LRP1B: variants seen among roughly 807,000 people sequenced by gnomAD.
LRP1B encodes the protein low-density lipoprotein receptor-related protein 1B.
In LRP1B, 217 loss-of-function variants were observed where a neutral mutation model predicts 556.6. The ratio of observed to expected loss-of-function variants is 0.39; its 90% confidence interval spans 0.35 to 0.44. The LOEUF is 0.44. LRP1B is among the 20% of genes least tolerant of loss of function. The pLI, the probability that LRP1B is intolerant of heterozygous loss-of-function variation, is 1.00. For synonymous variants in LRP1B, 2,047 were observed against 1,865.8 expected (o/e 1.10, Z -2.50); for missense variants, 5,053 against 5,620.8 (o/e 0.90, Z 3.23).
chr2:140,272,369 T>C (rs1299426342), intron 85 of LRP1B, among the ~76,000 whole-genome samples: 1 of 151,704 alleles, frequency 6.6e-6, no homozygotes, highest in Non-Finnish European at 1.5e-5. Context: ...ATGACAATGG[T>C]CATCAAAAAG....
intron 7 of LRP1B, 97 bp downstream of exon 7, chr2:141,188,324 C>G (rs1462952809): frequency 1.0e-5 from 12 of 1,197,568 alleles, no homozygotes; most frequent in Non-Finnish European, 1.4e-5. Context: ...AAGTTTGAGT[C>G]TGTAGTCTTA....
intron 41 of LRP1B, among the ~76,000 whole-genome samples, chr2:140,688,523 G>A (rs947492760): frequency 6.6e-6 from 1 of 152,136 alleles, no homozygotes; most frequent in Non-Finnish European, 1.5e-5. Context: ...TTATTTAGGA[G>A]CTTCTGGAAA....
rs537284372 is a variant in LRP1B, at chr2:140,364,739, G to C, written c.11053C>G (p.Leu3685Val). The C allele has an allele frequency of 2.6e-5, 42 of 1,609,868 alleles. No individual in the cohort carries two copies. The South Asian group carries it at 3.0e-4, about 11-fold the overall frequency. The part of the protein sequence containing the change: ...RADEFLCNNS[L>V]CKLHFWVCDG... ...CACACCCAGAAATGTAGTTTGCAGAGAGAATTATTGCAAAGGAACTCATCA... is the reference window on the plus strand; with the variant it reads ...CACACCCAGAAATGTAGTTTGCAGACAGAATTATTGCAAAGGAACTCATCA... Residue 3685 changes from leucine to valine, a missense_variant, in exon 72 of 91, where the codon CTC becomes GTC. By Grantham distance (32) the Leu-to-Val change is conservative (BLOSUM62 1). Around this residue, in one of 5 missense-constraint regions of LRP1B, gnomAD observed 599 missense variants for 648.4 expected, o/e 0.92. Transcript: ENST00000389484.
chr2:140,428,574 C>T (rs1347353697), intron 66 of LRP1B, among the ~76,000 whole-genome samples: 1 of 152,156 alleles, frequency 6.6e-6, no homozygotes, highest in Non-Finnish European at 1.5e-5. Flanking sequence ...AAGGCTCTGA[C>T]TCCTTCCCAG....
chr2:141,312,743 C>CA (rs1237677871), intron 3 of LRP1B, among the ~76,000 whole-genome samples: 1 of 151,436 alleles, frequency 6.6e-6, no homozygotes, highest in Non-Finnish European at 1.5e-5. Flanking sequence ...GTCTGGAGTA[C>CA]AGTGGCACAA....
chr2:141,485,896 T>C (rs1019416444), intron 2 of LRP1B, among the ~76,000 whole-genome samples: 5 of 152,024 alleles, frequency 3.3e-5, no homozygotes, highest in African/African-American at 9.7e-5. Flanking sequence ...AAAAGGAACA[T>C]GGTTGGAGGC....
At chr2:141,332,960 T>C (rs2105498276) in intron 3 of LRP1B, among the ~76,000 whole-genome samples, 1 of 152,254 alleles carries the variant, frequency 6.6e-6, no homozygotes, top group South Asian at 2.1e-4. Flanking sequence ...CTTAGCAGCA[T>C]AATTTGTTTT....
intron 6 of LRP1B, among the ~76,000 whole-genome samples, chr2:141,210,738 T>A (rs300356): frequency 6.6e-6 from 1 of 152,044 alleles, no homozygotes; most frequent in Non-Finnish European, 1.5e-5. Context: ...AAGTTTGATA[T>A]GGCATCAAGC....
intron 60 of LRP1B, among the ~76,000 whole-genome samples, chr2:140,470,517 C>T (rs1450531714): frequency 2.0e-5 from 3 of 151,528 alleles, no homozygotes; most frequent in South Asian, 2.1e-4. Flanking sequence ...TGGTGGAGGG[C>T]GCCTGTAGTC....
chr2:141,348,996 G>A (rs1445290213), intron 3 of LRP1B, among the ~76,000 whole-genome samples: 2 of 151,898 alleles, frequency 1.3e-5, no homozygotes, highest in Non-Finnish European at 2.9e-5. Flanking sequence ...ATGATTGTGA[G>A]GCTTCCCCAG....
chr2:142,111,240 C>T (rs1706979036), intron 1 of LRP1B, among the ~76,000 whole-genome samples: 1 of 152,092 alleles, frequency 6.6e-6, no homozygotes, highest in South Asian at 2.1e-4. Context: ...CTCACAACAT[C>T]CCTTTGAGCT....
At chr2:141,834,460 A>G (rs540843690) in intron 1 of LRP1B, among the ~76,000 whole-genome samples, 2 of 152,070 alleles carry the variant, frequency 1.3e-5, no homozygotes, top group Admixed American at 6.6e-5. Flanking sequence ...CAGTAAAAAA[A>G]CTTTGCAGGA....
At chr2:140,997,896 C>T (rs2105364247) in intron 15 of LRP1B, among the ~76,000 whole-genome samples, 1 of 152,048 alleles carries the variant, frequency 6.6e-6, no homozygotes, top group African/African-American at 2.4e-5. Context: ...GCAGGATGAC[C>T]TTTCATTACA....
In LRP1B at chr2:142,115,777, ATGT is replaced by A. The variant is rs1707234957; in HGVS notation, c.82+14868_82+14870del. ...TATATATGTAATATATATCATATAT[ATGT>A]AATATATATCATATATATGTAATAT... On this transcript the variant is annotated intron_variant, in intron 1 of 90. Transcript: ENST00000389484. Among the ~76,000 whole-genome samples, 4 of 42,786 alleles carry A rather than the reference ATGT, an allele frequency of 9.3e-5. 2 individuals are homozygous for A. The highest frequency in any genetic ancestry group is 3.5e-4 in the African/African-American group (4 of 11,282). The allele number at this position is 42,786 out of a possible 152,430, so 28.1% of individuals were successfully genotyped here. A position where few individuals can be genotyped will look rare whatever the true frequency, so the allele number is the denominator to read the frequency against.
At chr2:141,439,657 T>G (rs1680886717) in intron 3 of LRP1B, among the ~76,000 whole-genome samples, 2 of 152,100 alleles carry the variant, frequency 1.3e-5, no homozygotes, top group African/African-American at 4.8e-5. Flanking sequence ...AGTTAATCAG[T>G]ATAAGGAGTT....
At chr2:141,952,931 T>A (rs1449109858) in intron 1 of LRP1B, among the ~76,000 whole-genome samples, 2 of 152,140 alleles carry the variant, frequency 1.3e-5, no homozygotes, top group Non-Finnish European at 2.9e-5. Flanking sequence ...CTAGAAGATT[T>A]TTTACCGTGT....
intron 7 of LRP1B, among the ~76,000 whole-genome samples, chr2:141,166,175 A>G (rs1680244757): frequency 6.6e-6 from 1 of 151,966 alleles, no homozygotes; most frequent in Admixed American, 6.6e-5. Flanking sequence ...TAACCCAACC[A>G]TACCAATGTT....
intron 1 of LRP1B, among the ~76,000 whole-genome samples, chr2:142,122,025 T>C (rs931212537): frequency 5.3e-5 from 8 of 152,190 alleles, no homozygotes; most frequent in African/African-American, 1.9e-4. Context: ...ATGCAATACA[T>C]GATACGATGT....
chr2:141,043,845 G>A (rs1436576386), intron 11 of LRP1B, among the ~76,000 whole-genome samples: 2 of 151,876 alleles, frequency 1.3e-5, no homozygotes, highest in African/African-American at 2.4e-5. Flanking sequence ...AGATAAAAAT[G>A]AATTCAGTCT....
Sources: gnomAD v4.1 joint callset for allele counts (sites outside exome capture counted in the v4.1 genomes callset) on GRCh38, gnomAD v4.1.1 for gene constraint, gnomAD v4.1.1 regional missense constraint, MANE v1.5 for transcripts, NCBI Gene and HGNC (gene_info 2026-07-23, HGNC 2026-07-21) for gene names.